SGCZ: variants seen among roughly 807,000 people sequenced by gnomAD.
SGCZ encodes the protein sarcoglycan zeta.
In SGCZ, 40 loss-of-function variants were observed where a neutral mutation model predicts 41.3. That is an observed-to-expected ratio of 0.97 (90% CI 0.75 to 1.26). SGCZ has a LOEUF of 1.26. Among genes scored for constraint, SGCZ ranks in the 50% most tolerant of loss-of-function variants. SGCZ has a pLI of 0.00. For missense variants in SGCZ, 552 were observed against 369.8 expected, an observed-to-expected ratio of 1.49 and a Z score of -4.04; for synonymous variants, 206 against 137.5, an observed-to-expected ratio of 1.50 and a Z score of -3.49.
intron 5 of SGCZ, among the ~76,000 whole-genome samples, chr8:14,134,623 A>G (rs112473165): frequency 2.0e-5 from 3 of 152,184 alleles, no homozygotes; most frequent in Non-Finnish European, 4.4e-5. Context: ...AGGGCTCTCA[A>G]ATTTAAGCAC....
chr8:14,550,311 C>T (rs908942231), intron 2 of SGCZ, among the ~76,000 whole-genome samples: 1 of 149,854 alleles, frequency 6.7e-6, no homozygotes, highest in African/African-American at 2.4e-5. Context: ...TACATGCATA[C>T]AAATATTTAT....
chr8:14,780,310 G>A lies in SGCZ; in HGVS notation c.40-225384C>T, dbSNP rs1489729685. On this transcript the variant is annotated intron_variant, in intron 1 of 7. Coordinates refer to ENST00000382080, the MANE Select transcript of SGCZ (RefSeq NM_139167.4). The stretch of plus-strand genomic sequence containing the variant: ...GAATAGCACGAACCCGGGGGGCAGA[G>A]CTTGCAGTGAGCTGAGATTGCGCCA... 6.0e-5 allele frequency among the ~76,000 whole-genome samples: 9 copies of A among 150,724 alleles called. No homozygotes were observed. In the South Asian group the frequency reaches 1.9e-3, roughly 31 times the overall value.
intron 1 of SGCZ, among the ~76,000 whole-genome samples, chr8:14,640,877 C>T (rs1807001859): frequency 6.6e-6 from 1 of 151,598 alleles, no homozygotes; most frequent in African/African-American, 2.4e-5. Context: ...ACAGCTTCAG[C>T]CATCTGCAGC....
intron 2 of SGCZ, among the ~76,000 whole-genome samples, chr8:14,507,032 A>G (rs905099792): frequency 1.3e-5 from 2 of 152,254 alleles, no homozygotes; most frequent in South Asian, 2.1e-4. Flanking sequence ...CCAACTTTCA[A>G]TCTCTGTGAT....
Position 15,128,155 on chromosome 8 carries a change from T to C in SGCZ, c.39+109430A>G, listed in dbSNP as rs190914692. 7.8e-4 allele frequency among the ~76,000 whole-genome samples: 119 copies of C among 152,272 alleles called. 1 individual carries two copies. The highest frequency in any genetic ancestry group is 2.0e-3 in the African/African-American group (82 of 41,560). ...CTCATTCCACAAGAGCTGGACCACA[T>C]TGGCGATCCAGAGTCTAGGATCAAT... On this transcript the variant is annotated intron_variant, in intron 1 of 7. Transcript: ENST00000382080.
chr8:15,061,827 G>C (rs1425443856), intron 1 of SGCZ, among the ~76,000 whole-genome samples: 3 of 152,064 alleles, frequency 2.0e-5, no homozygotes, highest in African/African-American at 7.2e-5. Flanking sequence ...TGGTATAACA[G>C]CACAATCAGA....
chr8:15,068,810 C>G (rs1485122655), intron 1 of SGCZ, among the ~76,000 whole-genome samples: 1 of 152,086 alleles, frequency 6.6e-6, no homozygotes, highest in African/African-American at 2.4e-5. Context: ...CAGCAATATA[C>G]ACAGTCAACC....
At chr8:15,226,820 C>A (rs1801789058) in intron 1 of SGCZ, among the ~76,000 whole-genome samples, 1 of 150,314 alleles carries the variant, frequency 6.7e-6, no homozygotes, top group Non-Finnish European at 1.5e-5. Flanking sequence ...GTCTAGGGTT[C>A]TAACAGAAGG....
chr8:14,309,318 C>T (rs1412443056), intron 3 of SGCZ: 2 of 1,595,554 alleles, frequency 1.3e-6, no homozygotes, highest in Non-Finnish European at 1.7e-6. Context: ...GGTATTGAGA[C>T]TATGTGGGAA....
At chr8:14,156,818 A>C (rs1803890798) in intron 5 of SGCZ, among the ~76,000 whole-genome samples, 1 of 152,178 alleles carries the variant, frequency 6.6e-6, no homozygotes, top group Admixed American at 6.5e-5. Flanking sequence ...ATCTTGTCCC[A>C]CTTGAAGGTC....
At chr8:14,211,157 T>A (rs1169173571) in intron 4 of SGCZ, among the ~76,000 whole-genome samples, 1 of 152,172 alleles carries the variant, frequency 6.6e-6, no homozygotes, top group Non-Finnish European at 1.5e-5. Context: ...CCAGCTGGCA[T>A]GATGCTTTGT....
intron 2 of SGCZ, among the ~76,000 whole-genome samples, chr8:14,413,477 G>A (rs1799415504): frequency 6.6e-6 from 1 of 151,912 alleles, no homozygotes; most frequent in East Asian, 1.9e-4. Context: ...TAAGTGGATT[G>A]TCCTAATGGA....
chr8:14,519,746 T>C (rs867542630), intron 2 of SGCZ, among the ~76,000 whole-genome samples: 2 of 152,166 alleles, frequency 1.3e-5, no homozygotes, highest in African/African-American at 4.8e-5. Context: ...AAGTTTTGCA[T>C]AGAATATATT....
At chr8:14,808,974 G>C (rs555587621) in intron 1 of SGCZ, among the ~76,000 whole-genome samples, 1 of 150,714 alleles carries the variant, frequency 6.6e-6, no homozygotes, top group Non-Finnish European at 1.5e-5. Context: ...GTAAACTATC[G>C]CAAGAACAAA....
chr8:14,860,765 A>G (rs533043844), intron 1 of SGCZ, among the ~76,000 whole-genome samples: 35 of 140,090 alleles, frequency 2.5e-4, no homozygotes, highest in Middle Eastern at 3.5e-3. Context: ...GGAGGGAGGG[A>G]GGGAAGAAAC....
At chr8:14,123,362 T>C (rs1308443920) in intron 5 of SGCZ, among the ~76,000 whole-genome samples, 1 of 152,218 alleles carries the variant, frequency 6.6e-6, no homozygotes, top group Non-Finnish European at 1.5e-5. Flanking sequence ...TATTTGCCAA[T>C]TTTGTTGAAA....
At chr8:14,907,338 G>A (rs1036646596) in intron 1 of SGCZ, among the ~76,000 whole-genome samples, 3 of 152,020 alleles carry the variant, frequency 2.0e-5, no homozygotes, top group Admixed American at 6.6e-5. Context: ...GGGACTACAG[G>A]CACACCACTA....
At chr8:14,360,986 T>C (rs113659608) in intron 2 of SGCZ, among the ~76,000 whole-genome samples, 3 of 152,322 alleles carry the variant, frequency 2.0e-5, no homozygotes, top group Non-Finnish European at 4.4e-5. Context: ...AGCATTCTGA[T>C]ACCTGTGCAG....
intron 1 of SGCZ, among the ~76,000 whole-genome samples, chr8:15,065,454 T>C (rs890256476): frequency 2.0e-5 from 3 of 147,582 alleles, no homozygotes; most frequent in African/African-American, 7.5e-5. Context: ...TTATTATTAT[T>C]ATTATTTTGA....
Sources: allele counts gnomAD v4.1 joint callset (sites outside exome capture counted in the v4.1 genomes callset), GRCh38; gene constraint gnomAD v4.1.1; transcripts MANE v1.5; gene names NCBI Gene and HGNC (gene_info 2026-07-23, HGNC 2026-07-21).